IL1RAPL1: variants seen among roughly 807,000 people sequenced by gnomAD.
IL1RAPL1 encodes interleukin-1 receptor accessory protein-like 1.
In IL1RAPL1, 3 loss-of-function variants were observed where a neutral mutation model predicts 48.4. That is an observed-to-expected ratio of 0.06 (90% confidence interval 0.03 to 0.16). IL1RAPL1 has a LOEUF of 0.16. Among genes scored for constraint, IL1RAPL1 ranks in the 10% least tolerant of loss-of-function variants. IL1RAPL1 has a pLI of 1.00. For synonymous variants in IL1RAPL1, 185 were observed against 187.7 expected (o/e 0.99, Z 0.12); for missense variants, 349 against 530.6 (o/e 0.66, Z 3.36).
At chrX:28,794,732 T>C (rs776513752) in intron 2 of IL1RAPL1, among the ~76,000 whole-genome samples, 3 of 112,152 alleles carry the variant, frequency 2.7e-5, no homozygotes, top group Non-Finnish European at 5.6e-5. Context: ...CTTGTGACTC[T>C]AGGCCCAAAT....
chrX:29,758,853 A>T (rs1187679705), intron 6 of IL1RAPL1, among the ~76,000 whole-genome samples: 1 of 111,603 alleles, frequency 9.0e-6, no homozygotes, highest in Non-Finnish European at 1.9e-5. Flanking sequence ...GTTCTGAAGT[A>T]GTTACTGTTG....
chrX:28,993,417 C>T (rs954725800), intron 2 of IL1RAPL1, among the ~76,000 whole-genome samples: 3 of 111,038 alleles, frequency 2.7e-5, no homozygotes, highest in African/African-American at 6.6e-5. Flanking sequence ...ACTGGGGTGG[C>T]GGCAGTAGAG....
intron 2 of IL1RAPL1, among the ~76,000 whole-genome samples, chrX:29,171,532 C>G (rs966790668): frequency 9.0e-6 from 1 of 111,540 alleles, no homozygotes; most frequent in Non-Finnish European, 1.9e-5. Flanking sequence ...GATATTAATT[C>G]TATTGTCTCT....
chrX:29,919,168 G>T (rs762997804), intron 7 of IL1RAPL1, among the ~76,000 whole-genome samples: 4 of 112,020 alleles, frequency 3.6e-5, no homozygotes, highest in African/African-American at 1.3e-4. Flanking sequence ...ATGGACAATT[G>T]TCTAATATGT....
At chrX:29,180,523 C>T (rs1304440670) in intron 2 of IL1RAPL1, among the ~76,000 whole-genome samples, 1 of 109,731 alleles carries the variant, frequency 9.1e-6, no homozygotes, top group South Asian at 4.0e-4. Flanking sequence ...ATTACAGGCA[C>T]CCACCACCAC....
chrX:29,482,488 A>G (rs1322603163), intron 5 of IL1RAPL1, among the ~76,000 whole-genome samples: 5 of 112,458 alleles, frequency 4.4e-5, no homozygotes, highest in Non-Finnish European at 9.4e-5. Flanking sequence ...AGTATGCACA[A>G]AGTTAGTGTT....
At chrX:29,338,019 T>C in intron 3 of IL1RAPL1, among the ~76,000 whole-genome samples, 1 of 111,810 alleles carries the variant, frequency 8.9e-6, no homozygotes, top group Middle Eastern at 4.6e-3. Flanking sequence ...AAAATTAGGC[T>C]TTTTAAATTT....
chrX:29,264,127 A>G (rs1216207637), intron 2 of IL1RAPL1, among the ~76,000 whole-genome samples: 1 of 111,233 alleles, frequency 9.0e-6, no homozygotes, highest in Non-Finnish European at 1.9e-5. Flanking sequence ...TCCTTTTGCA[A>G]TCCTTTGCTC....
intron 3 of IL1RAPL1, among the ~76,000 whole-genome samples, chrX:29,379,375 G>A (rs960322914): frequency 2.7e-5 from 3 of 112,343 alleles, no homozygotes; most frequent in Non-Finnish European, 5.6e-5. Context: ...TGGCCTGGCA[G>A]TCAGTTGGGC....
intron 5 of IL1RAPL1, among the ~76,000 whole-genome samples, chrX:29,636,088 C>A: frequency 9.0e-6 from 1 of 110,896 alleles, no homozygotes; most frequent in Non-Finnish European, 1.9e-5. Flanking sequence ...AAAAAAAAAC[C>A]ATAAACATGT....
intron 5 of IL1RAPL1, among the ~76,000 whole-genome samples, chrX:29,414,263 T>C (rs1241786061): frequency 9.0e-6 from 1 of 111,330 alleles, no homozygotes; most frequent in African/African-American, 3.3e-5. Flanking sequence ...GTTCAAGAGA[T>C]GGATAAAGGT....
At chrX:29,565,997 A>G (rs5927774) in intron 5 of IL1RAPL1, among the ~76,000 whole-genome samples, 59,222 of 107,472 alleles carry the variant, frequency 0.55, 13,513 homozygotes, top group African/African-American at 0.85. Flanking sequence ...CGCCCAGGCT[A>G]GAGTGCAGCG....
intron 2 of IL1RAPL1, among the ~76,000 whole-genome samples, chrX:29,113,266 C>G (rs768413266): frequency 8.9e-6 from 1 of 112,210 alleles, no homozygotes; most frequent in East Asian, 2.8e-4. Context: ...GCATCTCTAT[C>G]TACAGTGTGG....
intron 2 of IL1RAPL1, among the ~76,000 whole-genome samples, chrX:29,232,208 ATAAATGAGTCTGTACTTTT>A (rs1193547571): frequency 8.9e-6 from 1 of 112,115 alleles, no homozygotes; most frequent in Non-Finnish European, 1.9e-5. Flanking sequence ...TTCTTATTTT[ATAAATGAGTCTGTACTTTT>A]AAGTAGTTCT....
At chrX:28,868,237 A>G (rs1480434656) in intron 2 of IL1RAPL1, among the ~76,000 whole-genome samples, 1 of 111,168 alleles carries the variant, frequency 9.0e-6, no homozygotes, top group Non-Finnish European at 1.9e-5. Flanking sequence ...TGGGCGTATC[A>G]AGTAGAGACA....
At chrX:29,423,324 C>T (rs1032176769) in intron 5 of IL1RAPL1, among the ~76,000 whole-genome samples, 1 of 112,072 alleles carries the variant, frequency 8.9e-6, no homozygotes, top group South Asian at 3.7e-4. Flanking sequence ...TTTTGTCTCC[C>T]TAAAACGTAT....
chrX:29,442,375 A>T (rs1293112170), intron 5 of IL1RAPL1, among the ~76,000 whole-genome samples: 1 of 110,849 alleles, frequency 9.0e-6, no homozygotes, highest in Non-Finnish European at 1.9e-5. Flanking sequence ...GGGGTGAGGG[A>T]TAGAAGGCTA....
intron 6 of IL1RAPL1, among the ~76,000 whole-genome samples, chrX:29,846,840 T>C (rs1931261132): frequency 9.2e-6 from 1 of 108,235 alleles, no homozygotes; most frequent in South Asian, 4.0e-4. Context: ...GTATATGTAC[T>C]CTGTATGCAT....
intron 2 of IL1RAPL1, among the ~76,000 whole-genome samples, chrX:29,040,918 A>G (rs781288412): frequency 1.8e-5 from 2 of 112,475 alleles, no homozygotes; most frequent in South Asian, 7.4e-4. Context: ...AAGCACAAAC[A>G]TGGTGAAAAT....
Sources: gnomAD v4.1 joint callset for allele counts (sites outside exome capture counted in the v4.1 genomes callset) on GRCh38, gnomAD v4.1.1 for gene constraint, MANE v1.5 for transcripts, NCBI Gene and HGNC (gene_info 2026-07-23, HGNC 2026-07-21) for gene names.